Variants in AHCYL2 observed in about 807,000 individuals in gnomAD.
AHCYL2 encodes S-adenosylhomocysteine hydrolase-like protein 2.
A neutral mutation model predicts 81.4 loss-of-function variants in AHCYL2; 28 were observed. That is an observed-to-expected ratio of 0.34 (90% CI 0.25 to 0.47). The LOEUF (loss-of-function observed/expected upper bound fraction) is 0.47. AHCYL2 is among the 20% of genes least tolerant of loss of function. The probability of loss-of-function intolerance (pLI) is 1.00; values close to 1 mark genes in which losing one functional copy is unlikely to be tolerated. For synonymous variants in AHCYL2, 272 were observed against 290.2 expected (o/e 0.94, Z 0.64); for missense variants, 551 against 785.1 (o/e 0.70, Z 3.56).
At chr7:129,258,110 CTG>C (rs1584713552) in intron 1 of AHCYL2, among the ~76,000 whole-genome samples, 1 of 152,128 alleles carries the variant, frequency 6.6e-6, no homozygotes, top group African/African-American at 2.4e-5. Flanking sequence ...ATCAGTACCC[CTG>C]TGTCTCCCAT....
chr7:129,333,408 G>A (rs1798490241), intron 1 of AHCYL2, among the ~76,000 whole-genome samples: 1 of 151,928 alleles, frequency 6.6e-6, no homozygotes, highest in Non-Finnish European at 1.5e-5. Context: ...GGTGGTCAGT[G>A]ACTGTCAAGT....
intron 1 of AHCYL2, among the ~76,000 whole-genome samples, chr7:129,357,895 C>G (rs1047849283): frequency 6.7e-6 from 1 of 149,566 alleles, no homozygotes; most frequent in East Asian, 2.0e-4. Flanking sequence ...GATCAGGCCA[C>G]TGCACTCCAG....
At chr7:129,338,166 CT>C (rs528691946) in intron 1 of AHCYL2, among the ~76,000 whole-genome samples, 188 of 145,496 alleles carry the variant, frequency 1.3e-3, no homozygotes, top group Admixed American at 1.0e-3. Flanking sequence ...ATGCATTGTA[CT>C]TTTTTTTTTT....
intron 1 of AHCYL2, among the ~76,000 whole-genome samples, chr7:129,295,693 G>A (rs1479567223): frequency 1.3e-5 from 2 of 152,194 alleles, no homozygotes; most frequent in Admixed American, 1.3e-4. Context: ...CCTAATTATT[G>A]TCTTACAGTG....
At chr7:129,312,927 C>CTA (rs148127458) in intron 1 of AHCYL2, among the ~76,000 whole-genome samples, 3,750 of 152,270 alleles carry the variant, frequency 0.025, 77 homozygotes, top group Admixed American at 0.058. Context: ...AGGTGTAATA[C>CTA]TATAGCCTGA....
At chr7:129,332,860 G>A (rs1054294295) in intron 1 of AHCYL2, among the ~76,000 whole-genome samples, 2 of 152,210 alleles carry the variant, frequency 1.3e-5, no homozygotes, top group Non-Finnish European at 2.9e-5. Flanking sequence ...ACTATAAGAA[G>A]GGTAGAAATT....
chr7:129,303,542 T>C (rs1797323598), intron 1 of AHCYL2, among the ~76,000 whole-genome samples: 1 of 152,216 alleles, frequency 6.6e-6, no homozygotes, highest in Non-Finnish European at 1.5e-5. Flanking sequence ...GGTCTTCTCA[T>C]GTTTTTTCTT....
At chr7:129,316,918 A>C (rs758839622) in intron 1 of AHCYL2, among the ~76,000 whole-genome samples, 5 of 152,238 alleles carry the variant, frequency 3.3e-5, no homozygotes, top group East Asian at 1.9e-4. Context: ...GAGTTTCCTC[A>C]GTGATGGGGA....
At chr7:129,352,708 A>G (rs1429342389) in intron 1 of AHCYL2, among the ~76,000 whole-genome samples, 2 of 152,102 alleles carry the variant, frequency 1.3e-5, no homozygotes, top group Non-Finnish European at 2.9e-5. Context: ...CCATTAGCCT[A>G]TTCCAGGTTA....
intron 1 of AHCYL2, among the ~76,000 whole-genome samples, chr7:129,332,587 T>A (rs1467987605): frequency 6.6e-6 from 1 of 152,222 alleles, no homozygotes; most frequent in African/African-American, 2.4e-5. Flanking sequence ...CAGTGAGCAA[T>A]TCCCCAGACT....
chr7:129,407,071 G>C (rs1796341476), intron 10 of AHCYL2, among the ~76,000 whole-genome samples: 1 of 152,182 alleles, frequency 6.6e-6, no homozygotes, highest in East Asian at 1.9e-4. Flanking sequence ...AGCATAGGCT[G>C]GGTGTAATGG....
At chr7:129,364,583 G>T (rs943357464) in intron 1 of AHCYL2, among the ~76,000 whole-genome samples, 6 of 152,070 alleles carry the variant, frequency 3.9e-5, no homozygotes, top group African/African-American at 1.2e-4. Flanking sequence ...GAGCCACTGC[G>T]CCCAGCTTCT....
chr7:129,234,220 T>C (rs957771984), intron 1 of AHCYL2, among the ~76,000 whole-genome samples: 1 of 152,104 alleles, frequency 6.6e-6, no homozygotes, highest in African/African-American at 2.4e-5. Context: ...CTGGCTAATT[T>C]TTTTATGACT....
intron 5 of AHCYL2, among the ~76,000 whole-genome samples, chr7:129,397,854 A>G (rs1466743681): frequency 6.6e-6 from 1 of 152,246 alleles, no homozygotes; most frequent in Admixed American, 6.5e-5. Context: ...TTGGCAGTAC[A>G]GCTAGCACTC....
In AHCYL2 at chr7:129,352,628, A is replaced by G. The variant is rs143281203; in HGVS notation, c.364-27010A>G. ...TCTTTTTCCTCACCTCCTACGTCCAATCCGTTAGCAAGTCTTTTGAGTTCT... is the reference window on the plus strand; with the variant it reads ...TCTTTTTCCTCACCTCCTACGTCCAGTCCGTTAGCAAGTCTTTTGAGTTCT... On this transcript the variant is annotated intron_variant, in intron 1 of 16. Transcript: ENST00000325006. 2.5e-3 allele frequency among the ~76,000 whole-genome samples: 379 copies of G among 152,168 alleles called. 2 individuals are homozygous for G. The highest frequency in any genetic ancestry group is 8.9e-3 in the African/African-American group (369 of 41,506).
chr7:129,371,068 T>C (rs550729161), intron 1 of AHCYL2, among the ~76,000 whole-genome samples: 2 of 152,326 alleles, frequency 1.3e-5, no homozygotes, highest in East Asian at 1.9e-4. Flanking sequence ...CAGACCTTAC[T>C]TGTAAAATGT....
At chr7:129,242,112 TACTTA>T (rs989187027) in intron 1 of AHCYL2, among the ~76,000 whole-genome samples, 3 of 152,170 alleles carry the variant, frequency 2.0e-5, no homozygotes, top group Admixed American at 6.6e-5. Context: ...CCCTCTTTTT[TACTTA>T]ACTTTAGAGT....
At chr7:129,244,643 A>T (rs1474091821) in intron 1 of AHCYL2, among the ~76,000 whole-genome samples, 1 of 152,152 alleles carries the variant, frequency 6.6e-6, no homozygotes, top group Non-Finnish European at 1.5e-5. Context: ...AATCTCATTT[A>T]TGAGGACTCC....
chr7:129,234,680 G>A (rs745805294), intron 1 of AHCYL2, among the ~76,000 whole-genome samples: 42 of 152,152 alleles, frequency 2.8e-4, no homozygotes, highest in South Asian at 6.2e-4. Flanking sequence ...ACTTTTTGTA[G>A]AGATGGTGTC....
Sources: allele counts gnomAD v4.1 joint callset (sites outside exome capture counted in the v4.1 genomes callset), GRCh38; gene constraint gnomAD v4.1.1; transcripts MANE v1.5; gene names NCBI Gene and HGNC (gene_info 2026-07-23, HGNC 2026-07-21).